Variants in PAPOLG observed in about 807,000 individuals in gnomAD.
The protein encoded by PAPOLG is poly(A) polymerase gamma, also known as PAP-gamma.
Under a neutral mutation model 99.0 loss-of-function variants are expected in PAPOLG, and 40 were observed. The observed-to-expected ratio is 0.40, with a 90% CI of 0.31 to 0.53. The LOEUF (loss-of-function observed/expected upper bound fraction) is 0.53. Ranked by LOEUF, PAPOLG falls within the 20% of genes least tolerant of loss-of-function variation. The pLI, the probability that PAPOLG is intolerant of heterozygous loss-of-function variation, is 0.41. For missense variants in PAPOLG, 675 were observed against 884.1 expected (o/e 0.76, Z 3.00); for synonymous variants, 310 against 299.3 (o/e 1.04, Z -0.37).
Position 60,797,263 on chromosome 2 carries a change from AAAG to A in PAPOLG, c.*104_*106del. 1 of 1,411,072 alleles carries A rather than the reference AAAG, an allele frequency of 7.1e-7. No individual in the cohort carries two copies. The highest frequency in any genetic ancestry group is 9.9e-7 in the Non-Finnish European group (1 of 1,011,994). The allele number at this position is 1,411,072 out of a possible 1,614,324, so 87.4% of individuals were successfully genotyped here. Reference sequence around the variant, plus strand: ...TGGCTGTCATACGTGAAATAAGGTGAAAGTGACAGCCTTCAGTCTAATAACCTT... The same window carrying A: ...TGGCTGTCATACGTGAAATAAGGTGATGACAGCCTTCAGTCTAATAACCTT... On this transcript the variant is annotated 3_prime_UTR_variant, in exon 22 of 22. Transcript: ENST00000238714.
intron 3 of PAPOLG, among the ~76,000 whole-genome samples, chr2:60,763,630 A>G (rs1573219472): frequency 2.6e-5 from 4 of 151,946 alleles, no homozygotes; most frequent in East Asian, 3.8e-4. Flanking sequence ...TAGCCGCCCA[A>G]GTAGCTGGGG....
At chr2:60,787,241 C>A (rs1280208025) in intron 14 of PAPOLG, among the ~76,000 whole-genome samples, 175 bp downstream of exon 14, 1 of 152,068 alleles carries the variant, frequency 6.6e-6, no homozygotes, top group Non-Finnish European at 1.5e-5. Context: ...ACTTTGGTAG[C>A]CCACAAACCC....
intron 8 of PAPOLG, 142 bp downstream of exon 8, chr2:60,775,265 T>C: frequency 9.7e-7 from 1 of 1,035,402 alleles, no homozygotes; most frequent in South Asian, 1.7e-5. Flanking sequence ...CTATTTGCTT[T>C]TCAAGTACAG....
chr2:60,774,202 G>T (rs1462912129), intron 7 of PAPOLG, among the ~76,000 whole-genome samples: 1 of 141,140 alleles, frequency 7.1e-6, no homozygotes, highest in East Asian at 2.1e-4. Flanking sequence ...TCACGCTGTT[G>T]CCCCATCTTG....
chr2:60,769,473 T>C (rs970094070), intron 5 of PAPOLG, among the ~76,000 whole-genome samples: 18 of 152,206 alleles, frequency 1.2e-4, no homozygotes, highest in African/African-American at 4.3e-4. Context: ...TCTGAAGTGC[T>C]AGAATAAGGT....
intron 13 of PAPOLG, among the ~76,000 whole-genome samples, chr2:60,785,993 A>C (rs944604489): frequency 6.6e-6 from 1 of 152,196 alleles, no homozygotes; most frequent in Non-Finnish European, 1.5e-5. Flanking sequence ...TAGTTCTTCT[A>C]TTAAAAAAAA....
rs1671822613 is a variant in PAPOLG, at chr2:60,800,900, TA to T, written c.*3741del. ...CTGAAAATGTGCTGTGGCTCCTAAC[TA>T]GTAAAATGGGCTGGTGAGGGACTCT... On this transcript the variant is annotated 3_prime_UTR_variant, in exon 22 of 22. Coordinates refer to ENST00000238714, the MANE Select transcript of PAPOLG (RefSeq NM_022894.4). The T allele has an allele frequency of 6.6e-6, 1 of 152,328 alleles. No homozygotes were observed. The highest frequency in any genetic ancestry group is 2.1e-4 in the South Asian group (1 of 4,826). The allele number at this position is 152,328 out of a possible 1,614,324, so 9.4% of individuals were successfully genotyped here.
chr2:60,794,474 G>A (rs896762461), intron 19 of PAPOLG: 12 of 562,972 alleles, frequency 2.1e-5, no homozygotes, highest in Admixed American at 1.0e-4. Context: ...CCAGTAGGTG[G>A]TGGTAAAACT....
intron 6 of PAPOLG, 23 bp from the exon 7 acceptor site, chr2:60,771,496 T>C: frequency 6.4e-7 from 1 of 1,564,778 alleles, no homozygotes; most frequent in South Asian, 1.2e-5. Context: ...AATTTTTTTC[T>C]CTTTTTTCAC....
intron 7 of PAPOLG, among the ~76,000 whole-genome samples, chr2:60,773,460 T>A (rs949376442): frequency 6.6e-6 from 1 of 152,330 alleles, no homozygotes; most frequent in Middle Eastern, 3.4e-3. Flanking sequence ...TTATCTGTAT[T>A]TGTTCCGTTT....
Position 60,756,397 on chromosome 2 carries a change from A to G in PAPOLG, c.-82A>G. On this transcript the variant is annotated 5_prime_UTR_variant, in exon 1 of 22. Coordinates refer to ENST00000238714, the MANE Select transcript of PAPOLG (RefSeq NM_022894.4). Reference sequence around the variant, plus strand: ...AAGCGAGCTACTAGCGACCGGAGGAAAGTGAACAGGGGGAGAAGGGAACAG... The same window carrying G: ...AAGCGAGCTACTAGCGACCGGAGGAGAGTGAACAGGGGGAGAAGGGAACAG... 6.3e-7 allele frequency: 1 copy of G among 1,588,728 alleles called. No individual in the cohort carries two copies. Among genetic ancestry groups the G allele is most frequent in the Non-Finnish European group, 8.6e-7 (1 of 1,157,246 alleles).
At chr2:60,783,916 A>C (rs1671279374) in intron 13 of PAPOLG, among the ~76,000 whole-genome samples, 1 of 152,206 alleles carries the variant, frequency 6.6e-6, no homozygotes, top group African/African-American at 2.4e-5. Flanking sequence ...GATTTAAGCA[A>C]AATTTTGAGC....
intron 19 of PAPOLG, 117 bp from the exon 20 acceptor site, chr2:60,794,593 C>T: frequency 1.2e-6 from 1 of 809,298 alleles, no homozygotes; most frequent in South Asian, 1.9e-5. Context: ...CTTACCAATC[C>T]ATGTTTATAG....
At chr2:60,796,139 AGAG>A (rs1419342407) in intron 21 of PAPOLG, among the ~76,000 whole-genome samples, 1 of 151,968 alleles carries the variant, frequency 6.6e-6, no homozygotes, top group Admixed American at 6.6e-5. Flanking sequence ...AGGTAAAACA[AGAG>A]GAGAATTAAG....
At chr2:60,760,402 C>G in intron 2 of PAPOLG, 107 bp downstream of exon 2, 1 of 1,106,692 alleles carries the variant, frequency 9.0e-7, no homozygotes, top group Non-Finnish European at 1.3e-6. Context: ...GCAGAAATGA[C>G]AAAAAGAAAA....
At chr2:60,790,051 G>A (rs10206068) in intron 15 of PAPOLG, among the ~76,000 whole-genome samples, 15,351 of 152,126 alleles carry the variant, frequency 0.1, 769 homozygotes, top group Middle Eastern at 0.14. Context: ...CTGAGATCTC[G>A]CTGTTGCACT....
Position 60,756,278 on chromosome 2 carries a change from G to C in PAPOLG, c.-201G>C. 4.7e-6 allele frequency: 3 copies of C among 638,656 alleles called. No homozygotes were observed. The highest frequency in any genetic ancestry group is 8.3e-6 in the Non-Finnish European group (3 of 360,248). The allele number at this position is 638,656 out of a possible 1,614,324, so 39.6% of individuals were successfully genotyped here. A position where few individuals can be genotyped will look rare whatever the true frequency, so the allele number is the denominator to read the frequency against. On this transcript the variant is annotated 5_prime_UTR_variant, in exon 1 of 22. Coordinates refer to ENST00000238714, the MANE Select transcript of PAPOLG (RefSeq NM_022894.4). ...GGGAAGCGGCGCCATATTGGCGTCG[G>C]CCGCGCTGTATTGTCATAAATAGAG...
intron 11 of PAPOLG, 25 bp from the exon 12 acceptor site, chr2:60,782,661 T>C (rs1282469259): frequency 1.8e-5 from 25 of 1,352,882 alleles, no homozygotes; most frequent in Non-Finnish European, 2.1e-5. Flanking sequence ...TTCTTTTTTT[T>C]TTTTTTTTTT....
rs1671270647 is a variant in PAPOLG at position 60,783,701 on chromosome 2, A to T, written c.1166+492A>T. Among the ~76,000 whole-genome samples the T allele has an allele frequency of 4.0e-5, 6 of 149,106 alleles. No homozygotes were observed. The Admixed American group carries it at 4.0e-4, about 10-fold the overall frequency. On this transcript the variant is annotated intron_variant, in intron 13 of 21. Coordinates refer to ENST00000238714, the MANE Select transcript of PAPOLG (RefSeq NM_022894.4). ...GCTAATTTTTGTATTTTTAGTAGAG[A>T]TGGGGTTTTACCATGTTGGCCAGGC...
Sources: gnomAD v4.1 joint callset for allele counts (sites outside exome capture counted in the v4.1 genomes callset) on GRCh38, gnomAD v4.1.1 for gene constraint, MANE v1.5 for transcripts, NCBI Gene and HGNC (gene_info 2026-07-23, HGNC 2026-07-21) for gene names.